The following ALMS1 variants were observed in gnomAD, a reference collection of about 807,000 sequenced individuals.
The protein encoded by ALMS1 is ALMS1 centrosome and basal body associated protein.
Under a neutral mutation model 352.2 loss-of-function variants are expected in ALMS1, and 271 were observed. That is an observed-to-expected ratio of 0.77 (90% confidence interval 0.70 to 0.85). ALMS1 has a LOEUF of 0.85. ALMS1 is among the 40% of genes least tolerant of loss of function. ALMS1 has a pLI of 0.00. For missense variants in ALMS1, 5,445 were observed against 4,870.7 expected (o/e 1.12, Z -3.51); for synonymous variants, 1,865 against 1,761.2 (o/e 1.06, Z -1.48).
intron 9 of ALMS1, chr2:73,458,985 C>A (rs1304704740): frequency 1.3e-5 from 2 of 152,160 alleles, no homozygotes; most frequent in African/African-American, 4.8e-5. Context: ...TTGTCACATA[C>A]AGCTTTTGAA....
At chr2:73,474,549 A>G (rs1672544487) in intron 9 of ALMS1, among the ~76,000 whole-genome samples, 1 of 151,944 alleles carries the variant, frequency 6.6e-6, no homozygotes, top group Admixed American at 6.6e-5. Flanking sequence ...ATCTTAGCTC[A>G]CTGCAATGTC....
intron 11 of ALMS1, among the ~76,000 whole-genome samples, chr2:73,529,544 C>T (rs1673865069): frequency 6.6e-6 from 1 of 151,948 alleles, no homozygotes; most frequent in Admixed American, 6.6e-5. Flanking sequence ...TTGTTTATAC[C>T]CATCCTTCTT....
rs140575817 is a variant in ALMS1, at chr2:73,514,429, C to G, written c.9540-5346C>G. Among the ~76,000 whole-genome samples the G allele has an allele frequency of 2.5e-3, 385 of 152,114 alleles. 4 individuals carry two copies. Among genetic ancestry groups the G allele is most frequent in the African/African-American group, 7.9e-3 (329 of 41,494 alleles). On this transcript the variant is annotated intron_variant, in intron 10 of 22. Coordinates refer to ENST00000613296, the MANE Select transcript of ALMS1 (RefSeq NM_001378454.1). ...TTATGAGCAGCAAAGTATCTTAGGACAGTTGAACTCTATTTACTCACTCCT... is the reference window on the plus strand; with the variant it reads ...TTATGAGCAGCAAAGTATCTTAGGAGAGTTGAACTCTATTTACTCACTCCT...
At chr2:73,510,109 C>T (rs1371243190) in intron 10 of ALMS1, among the ~76,000 whole-genome samples, 1 of 152,196 alleles carries the variant, frequency 6.6e-6, no homozygotes, top group Non-Finnish European at 1.5e-5. Context: ...TTCTAGTTAG[C>T]AATTCCTCTA....
chr2:73,510,553 C>G (rs982726757), intron 10 of ALMS1, among the ~76,000 whole-genome samples: 7 of 152,218 alleles, frequency 4.6e-5, no homozygotes, highest in African/African-American at 1.7e-4. Context: ...GGCTGCAGAA[C>G]AGCAAAGTTT....
At chr2:73,600,254 C>T (rs1156592255) in intron 17 of ALMS1, among the ~76,000 whole-genome samples, 3 of 152,110 alleles carry the variant, frequency 2.0e-5, no homozygotes, top group African/African-American at 4.8e-5. Context: ...CTTTCTATAC[C>T]TTTTGGTTTC....
At position 73,451,614 on chromosome 2, in the gene ALMS1, G is replaced by C; in HGVS notation, c.5087G>C (p.Gly1696Ala). ...EEALKVPPVP[G>A]PDAQKTETPS... Reference sequence around the variant, plus strand: ...GCTCTGAAAGTTCCACCTGTTCCTGGACCAGATGCCCAGAAGACTGAGACA... The same window carrying C: ...GCTCTGAAAGTTCCACCTGTTCCTGCACCAGATGCCCAGAAGACTGAGACA... The change falls in exon 8 of 23, where the codon GGA (glycine) becomes GCA (alanine). Residue 1696 changes from glycine (G) to alanine (A), a missense_variant. Physicochemically the swap from Gly to Ala is moderately conservative, Grantham distance 60 (BLOSUM62 0). Transcript: ENST00000613296. 6.2e-7 allele frequency: 1 copy of C among 1,613,958 alleles called. No individual in the cohort carries two copies. Among genetic ancestry groups the C allele is most frequent in the Non-Finnish European group, 8.5e-7 (1 of 1,179,964 alleles).
chr2:73,579,684 C>T (rs1675132714), intron 16 of ALMS1, among the ~76,000 whole-genome samples: 1 of 152,130 alleles, frequency 6.6e-6, no homozygotes. Flanking sequence ...TTTTATCTTT[C>T]ATCATTTCAA....
In ALMS1 at chr2:73,473,305, G is replaced by A. The variant is rs143412061; in HGVS notation, c.7675-16329G>A. Among the ~76,000 whole-genome samples the A allele has an allele frequency of 3.9e-4, 59 of 151,920 alleles. No homozygotes were observed. The East Asian group carries it at 0.011, about 27-fold the overall frequency. On this transcript the variant is annotated intron_variant, in intron 9 of 22. Transcript: ENST00000613296. ...TCTTTCCTTGGCTGCAGGTGTTTAA[G>A]GAACCTGTCAAAATAGTAGTTGACC...
chr2:73,459,143 G>A (rs1672133854), intron 9 of ALMS1: 1 of 151,964 alleles, frequency 6.6e-6, no homozygotes, highest in East Asian at 1.9e-4. Flanking sequence ...GTACAACCTA[G>A]TTACTTTGCA....
chr2:73,562,981 G>T (rs1674696749), intron 15 of ALMS1, among the ~76,000 whole-genome samples: 1 of 151,738 alleles, frequency 6.6e-6, no homozygotes, highest in Non-Finnish European at 1.5e-5. Flanking sequence ...TAGCTTGGAG[G>T]TAAAGGGAGG....
intron 10 of ALMS1, among the ~76,000 whole-genome samples, chr2:73,508,207 CT>C (rs562118895): frequency 0.13 from 14,117 of 107,872 alleles, 824 homozygotes; most frequent in East Asian, 0.24. Flanking sequence ...TCTTCTTCTT[CT>C]TTTTTTTTTT....
In ALMS1 at chr2:73,588,408, G is replaced by A. The variant is rs186863013; in HGVS notation, c.11548-10993G>A. On this transcript the variant is annotated intron_variant, in intron 16 of 22. Coordinates refer to ENST00000613296, the MANE Select transcript of ALMS1 (RefSeq NM_001378454.1). ...ACCCTCGTTCTCTCTGGTTCCCACT[G>A]TGTCTGTTGTGTGTCTCTATTCTTC... Among the ~76,000 whole-genome samples the A allele has an allele frequency of 1.3e-3, 201 of 152,110 alleles. 1 individual carries two copies. Among genetic ancestry groups the A allele is most frequent in the African/African-American group, 4.5e-3 (187 of 41,498 alleles).
chr2:73,509,537 T>C (rs1315419724), intron 10 of ALMS1, among the ~76,000 whole-genome samples: 2 of 152,172 alleles, frequency 1.3e-5, no homozygotes, highest in East Asian at 1.9e-4. Flanking sequence ...TGGCGGGATA[T>C]GAAATTCTGG....
At chr2:73,527,068 CATTG>C (rs1558681745) in intron 11 of ALMS1, among the ~76,000 whole-genome samples, 1 of 152,046 alleles carries the variant, frequency 6.6e-6, no homozygotes, top group African/African-American at 2.4e-5. Flanking sequence ...TGAGGCATCA[CATTG>C]ATTGATTAGC....
chr2:73,448,565 C>G lies in ALMS1; in HGVS notation c.2038C>G (p.Arg680Gly), dbSNP rs115444326. 249 of 1,613,906 alleles carry G rather than the reference C, an allele frequency of 1.5e-4. 1 individual carries two copies. The African/African-American group carries it at 2.8e-3, about 18-fold the overall frequency. Residue 680 changes from arginine to glycine, a missense_variant, in exon 8 of 23, where the codon CGA becomes GGA. Arg to Gly is a moderately radical substitution (Grantham distance 125). Transcript: ENST00000613296. ...TGTAGAGGACCTCCTCTTTTTCTAT[C>G]GACAGACCTTGCCAGATGGTCATCT... ...SHVEDLLFFYRQTLPDGHLTD... is the reference protein window; with the variant it reads ...SHVEDLLFFYGQTLPDGHLTD...
chr2:73,606,101 A>G (rs1187189205), intron 21 of ALMS1, among the ~76,000 whole-genome samples: 1 of 152,224 alleles, frequency 6.6e-6, no homozygotes, highest in Non-Finnish European at 1.5e-5. Flanking sequence ...TAAAAAATGT[A>G]AACAGTGCCA....
chr2:73,578,068 T>TTGTG (rs1675090290), intron 16 of ALMS1, among the ~76,000 whole-genome samples: 1 of 152,184 alleles, frequency 6.6e-6, no homozygotes, highest in Non-Finnish European at 1.5e-5. Context: ...CTGTTGTCAG[T>TTGTG]TGTGTGTATG....
chr2:73,538,897 T>G (rs1674094166), intron 12 of ALMS1, among the ~76,000 whole-genome samples: 2 of 152,178 alleles, frequency 1.3e-5, no homozygotes, highest in South Asian at 4.1e-4. Flanking sequence ...AAGCTCGAAC[T>G]GGGTGGAGCC....
Sources: gnomAD v4.1 joint callset for allele counts (sites outside exome capture counted in the v4.1 genomes callset) on GRCh38, gnomAD v4.1.1 for gene constraint, MANE v1.5 for transcripts, NCBI Gene and HGNC (gene_info 2026-07-23, HGNC 2026-07-21) for gene names.